Variants in LRRC9 observed in about 807,000 individuals in gnomAD.
LRRC9 encodes the protein leucine-rich repeat-containing protein 9.
In LRRC9, 122 loss-of-function variants were observed where a neutral mutation model predicts 63.2. The observed-to-expected ratio is 1.93, with a 90% CI of 1.67 to 2.24. The LOEUF is 2.24. Ranked by LOEUF, LRRC9 falls within the 30% of genes most tolerant of loss-of-function variation. LRRC9 has a pLI of 0.00. For synonymous variants in LRRC9, 366 were observed against 213.1 expected (o/e 1.72, Z -6.25); for missense variants, 1,071 against 627.7 (o/e 1.71, Z -7.55).
intron 29 of LRRC9, among the ~76,000 whole-genome samples, chr14:60,039,977 T>C (rs1827907021): frequency 6.6e-6 from 1 of 151,948 alleles, no homozygotes; most frequent in Non-Finnish European, 1.5e-5. Flanking sequence ...TTGTTCTCAT[T>C]GGTTTCAAAG....
In LRRC9 at chr14:59,922,771, T is replaced by G. The variant is rs557582647; in HGVS notation, c.-34+2888T>G. Among the ~76,000 whole-genome samples the G allele has an allele frequency of 1.3e-5, 2 of 152,332 alleles. No individual in the cohort carries two copies. Among genetic ancestry groups the G allele is most frequent in the African/African-American group, 4.8e-5 (2 of 41,568 alleles). On this transcript the variant is annotated intron_variant, in intron 1 of 31. Coordinates refer to ENST00000445360, the Ensembl canonical transcript of LRRC9. This position sits in a 1 kb window ranked among gnomAD's most constrained non-coding sequence, Gnocchi z 5.3. The stretch of plus-strand genomic sequence containing the variant: ...GACCTTGAAAAGAGTGGTGAAAGTT[T>G]AGAATAGTAATGTCATGAATCTCGA...
At chr14:59,953,858 C>T (rs1594861605) in intron 8 of LRRC9, among the ~76,000 whole-genome samples, 1 of 152,078 alleles carries the variant, frequency 6.6e-6, no homozygotes, top group African/African-American at 2.4e-5. Context: ...GGAAGGGGTC[C>T]AGTTTCTGTT....
At chr14:59,998,523 A>G (rs1889032124) in intron 18 of LRRC9, among the ~76,000 whole-genome samples, 1 of 152,100 alleles carries the variant, frequency 6.6e-6, no homozygotes, top group South Asian at 2.1e-4. Flanking sequence ...TATAAAGTCA[A>G]GAATCTTCCT....
At chr14:60,036,529 G>C (rs1239688051) in intron 29 of LRRC9, among the ~76,000 whole-genome samples, 1 of 152,130 alleles carries the variant, frequency 6.6e-6, no homozygotes, top group East Asian at 1.9e-4. Context: ...TTAATTTGTA[G>C]AATGTCCTTC....
At chr14:60,011,875 A>G (rs1003128936) in intron 23 of LRRC9, among the ~76,000 whole-genome samples, 1 of 152,248 alleles carries the variant, frequency 6.6e-6, no homozygotes, top group Non-Finnish European at 1.5e-5. Flanking sequence ...TTTATATGAC[A>G]GAAGATCATC....
At chr14:60,033,235 T>C (rs1470364433) in intron 29 of LRRC9, among the ~76,000 whole-genome samples, 1 of 152,130 alleles carries the variant, frequency 6.6e-6, no homozygotes, top group African/African-American at 2.4e-5. Context: ...TTTTTTTGGA[T>C]TTTCTGTATA....
rs1277040073 is a variant in LRRC9 at position 60,060,697 on chromosome 14, C to T, written c.4277-2626C>T. On this transcript the variant is annotated intron_variant, in intron 31 of 31. Coordinates refer to ENST00000445360, the Ensembl canonical transcript of LRRC9. This position sits in a 1 kb window ranked among gnomAD's most constrained non-coding sequence, Gnocchi z 4.0. ...CGGAGCTTGCAGTGAACCGAGATCG[C>T]GCCACTGCTCTCCAGCCTGGGTGAC... Among the ~76,000 whole-genome samples, 2 of 152,072 alleles carry T rather than the reference C, an allele frequency of 1.3e-5. No individual in the cohort carries two copies. The highest frequency in any genetic ancestry group is 6.5e-5 in the Admixed American group (1 of 15,270).
At chr14:59,978,512 A>T (rs571764343) in intron 15 of LRRC9, among the ~76,000 whole-genome samples, 1 of 152,304 alleles carries the variant, frequency 6.6e-6, no homozygotes, top group South Asian at 2.1e-4. Flanking sequence ...ACATTTACAT[A>T]TATAATAACA....
At chr14:60,028,854 C>A (rs1377681948) in intron 28 of LRRC9, among the ~76,000 whole-genome samples, 2 of 152,126 alleles carry the variant, frequency 1.3e-5, no homozygotes, top group Non-Finnish European at 2.9e-5. Context: ...CAGTATATAG[C>A]ATAGTACCCG....
chr14:60,050,565 T>C (rs1048509983), intron 29 of LRRC9, among the ~76,000 whole-genome samples: 4 of 152,210 alleles, frequency 2.6e-5, no homozygotes, highest in Admixed American at 6.5e-5. Context: ...AGCCTACTTC[T>C]ATCAATTCAG....
rs2029968920 is a variant in LRRC9, at chr14:59,966,213, A to T, written c.1212-376A>T. Among the ~76,000 whole-genome samples, 1 of 152,166 alleles carries T rather than the reference A, an allele frequency of 6.6e-6. No individual in the cohort carries two copies. Among genetic ancestry groups the T allele is most frequent in the Admixed American group, 6.5e-5 (1 of 15,268 alleles). On this transcript the variant is annotated intron_variant, in intron 10 of 31. Coordinates refer to ENST00000445360, the Ensembl canonical transcript of LRRC9. This position sits in a 1 kb window ranked among gnomAD's most constrained non-coding sequence, Gnocchi z 4.0. ...TAAAGCCAAGGAACCACGTGAAATC[A>T]TCTAGGGAGAGTGTTCGTGGAAGCA... is the stretch of plus-strand genomic sequence containing the variant.
chr14:60,065,062 T>C (rs1411473789), downstream of LRRC9, among the ~76,000 whole-genome samples: 3 of 152,206 alleles, frequency 2.0e-5, no homozygotes, highest in Admixed American at 6.5e-5. Flanking sequence ...TTTTGAGCTA[T>C]TTATAATTCT....
chr14:60,034,694 T>C (rs1892286803), intron 29 of LRRC9, among the ~76,000 whole-genome samples: 1 of 152,228 alleles, frequency 6.6e-6, no homozygotes, highest in Non-Finnish European at 1.5e-5. Flanking sequence ...TTTTTATGGC[T>C]GAATAATGTT....
chr14:59,983,296 A>G (rs533193946), intron 16 of LRRC9, among the ~76,000 whole-genome samples: 13 of 152,324 alleles, frequency 8.5e-5, no homozygotes, highest in South Asian at 4.1e-4. Flanking sequence ...GAGTTATGCA[A>G]CAGAGGCCCT....
intron 26 of LRRC9, among the ~76,000 whole-genome samples, chr14:60,021,077 C>G (rs777370072): frequency 6.6e-5 from 10 of 151,876 alleles, no homozygotes; most frequent in Admixed American, 1.3e-4. Context: ...AAACTGTTTT[C>G]CAAAATGGTT....
chr14:59,974,047 C>T (rs541026826), intron 12 of LRRC9, among the ~76,000 whole-genome samples: 4 of 151,978 alleles, frequency 2.6e-5, no homozygotes, highest in Non-Finnish European at 5.9e-5. Flanking sequence ...GCTGTTTTCA[C>T]GGCAAGCAAG....
At chr14:60,036,887 G>T (rs535598460) in intron 29 of LRRC9, among the ~76,000 whole-genome samples, 2 of 152,110 alleles carry the variant, frequency 1.3e-5, no homozygotes, top group East Asian at 1.9e-4. Context: ...TTTACATTAG[G>T]TATATCTCCT....
rs968643538 is a variant in LRRC9, at chr14:60,051,889, G to A, written c.3991-1176G>A. 1.3e-4 allele frequency among the ~76,000 whole-genome samples: 20 copies of A among 152,238 alleles called. 1 individual carries two copies. Among genetic ancestry groups the A allele is most frequent in the Admixed American group, 7.2e-4 (11 of 15,300 alleles). ...GGGAGAAGCGTGGTTTCCTGGGCAC[G>A]ATAGCACACTCACCGCTTCCCTTGG... On this transcript the variant is annotated intron_variant, in intron 29 of 31. Coordinates refer to ENST00000445360, the Ensembl canonical transcript of LRRC9. The surrounding 1 kb of genome is among the most constrained non-coding windows in gnomAD (Gnocchi z 4.7).
intron 10 of LRRC9, among the ~76,000 whole-genome samples, chr14:59,963,366 T>A (rs1430044478): frequency 6.6e-6 from 1 of 152,176 alleles, no homozygotes; most frequent in Non-Finnish European, 1.5e-5. Flanking sequence ...TATTATAGAT[T>A]TGTATTATTT....
Sources: gnomAD v4.1 joint callset for allele counts (sites outside exome capture counted in the v4.1 genomes callset) on GRCh38, gnomAD v4.1.1 for gene constraint, Gnocchi (gnomAD v3.1) non-coding constraint, MANE v1.5 for transcripts, NCBI Gene and HGNC (gene_info 2026-07-23, HGNC 2026-07-21) for gene names.